RBFOX1: variants seen among roughly 807,000 people sequenced by gnomAD.
The protein encoded by RBFOX1 is RNA binding fox-1 homolog 1.
Under a neutral mutation model 57.7 loss-of-function variants are expected in RBFOX1, and 8 were observed. The observed-to-expected ratio is 0.14, with a 90% CI of 0.08 to 0.25. RBFOX1 has a LOEUF of 0.25. RBFOX1 is among the 10% of genes least tolerant of loss of function. The pLI, the probability that RBFOX1 is intolerant of heterozygous loss-of-function variation, is 1.00. For missense variants in RBFOX1, 611 were observed against 548.5 expected, an observed-to-expected ratio of 1.11 and a Z score of -1.14; for synonymous variants, 326 against 222.4, an observed-to-expected ratio of 1.47 and a Z score of -4.15.
chr16:7,400,840 C>T (rs2098229950), intron 4 of RBFOX1, among the ~76,000 whole-genome samples: 2 of 152,178 alleles, frequency 1.3e-5, no homozygotes, highest in Admixed American at 1.3e-4. Flanking sequence ...GGTGCGCTTG[C>T]CCATTAAGTG....
At chr16:5,877,599 A>C (rs1429204664) in intron 4 of RBFOX1, among the ~76,000 whole-genome samples, 1 of 152,244 alleles carries the variant, frequency 6.6e-6, no homozygotes, top group African/African-American at 2.4e-5. Flanking sequence ...AAGGGTAAGC[A>C]GTGGTGTTAA....
chr16:5,712,557 G>C (rs1463385240), intron 3 of RBFOX1, among the ~76,000 whole-genome samples: 1 of 152,146 alleles, frequency 6.6e-6, no homozygotes, highest in African/African-American at 2.4e-5. Context: ...GTGTTCTAGG[G>C]GCTTTTCATC....
At chr16:7,405,687 G>T (rs1005395855) in intron 4 of RBFOX1, among the ~76,000 whole-genome samples, 2 of 152,212 alleles carry the variant, frequency 1.3e-5, no homozygotes, top group Non-Finnish European at 1.5e-5. Flanking sequence ...TCAGGTCCCA[G>T]CTGCACCTGT....
intron 3 of RBFOX1, among the ~76,000 whole-genome samples, chr16:6,966,755 C>A (rs559194680): frequency 9.7e-6 from 1 of 102,736 alleles, no homozygotes; most frequent in African/African-American, 4.2e-5. Context: ...CTCTATCTGT[C>A]TGTCTGTCTA....
intron 4 of RBFOX1, among the ~76,000 whole-genome samples, chr16:7,244,397 T>A (rs961359797): frequency 1.3e-5 from 2 of 152,186 alleles, no homozygotes; most frequent in Non-Finnish European, 2.9e-5. Flanking sequence ...CTGGTCCTTT[T>A]TCCTGAGCCA....
intron 14 of RBFOX1, among the ~76,000 whole-genome samples, chr16:7,708,321 C>G (rs893144526): frequency 6.6e-6 from 1 of 152,074 alleles, no homozygotes; most frequent in Non-Finnish European, 1.5e-5. Context: ...CCATTTTTAT[C>G]CTAAAGCCTA....
At chr16:6,973,160 A>G (rs1171001329) in intron 3 of RBFOX1, among the ~76,000 whole-genome samples, 2 of 151,190 alleles carry the variant, frequency 1.3e-5, no homozygotes, top group African/African-American at 2.4e-5. Context: ...AAAAATAGAG[A>G]CAAGGCCATC....
chr16:6,829,696 G>T (rs2092554766), intron 3 of RBFOX1, among the ~76,000 whole-genome samples: 1 of 151,938 alleles, frequency 6.6e-6, no homozygotes, highest in Non-Finnish European at 1.5e-5. Context: ...CCGTCTCCTG[G>T]GTTCAAGAGA....
chr16:7,271,800 A>G (rs1730226919), intron 4 of RBFOX1, among the ~76,000 whole-genome samples: 1 of 152,036 alleles, frequency 6.6e-6, no homozygotes, highest in African/African-American at 2.4e-5. Context: ...CTCTTATTGT[A>G]AATGTCTGGG....
chr16:5,292,844 T>C (rs1382519625), intron 1 of RBFOX1, among the ~76,000 whole-genome samples: 11 of 151,962 alleles, frequency 7.2e-5, no homozygotes, highest in Non-Finnish European at 1.3e-4. Flanking sequence ...AGGATGGTCT[T>C]GATCTCCTGA....
At chr16:6,432,304 G>C (rs1281343548) in intron 2 of RBFOX1, among the ~76,000 whole-genome samples, 1 of 152,024 alleles carries the variant, frequency 6.6e-6, no homozygotes, top group Non-Finnish European at 1.5e-5. Flanking sequence ...GGCATAGGTA[G>C]TATTTAACAA....
intron 3 of RBFOX1, among the ~76,000 whole-genome samples, chr16:6,669,148 A>C (rs2098749530): frequency 6.6e-6 from 1 of 152,114 alleles, no homozygotes; most frequent in African/African-American, 2.4e-5. Flanking sequence ...GATCAAGGTC[A>C]GAAAACCCAG....
At chr16:5,962,076 C>T (rs1212257968) in intron 4 of RBFOX1, among the ~76,000 whole-genome samples, 2 of 152,166 alleles carry the variant, frequency 1.3e-5, no homozygotes, top group Non-Finnish European at 2.9e-5. Flanking sequence ...GAGATCCAGC[C>T]ATCGCTTACA....
intron 3 of RBFOX1, among the ~76,000 whole-genome samples, chr16:6,878,747 A>G (rs1212284323): frequency 6.6e-6 from 1 of 152,146 alleles, no homozygotes; most frequent in Non-Finnish European, 1.5e-5. Context: ...ATATCCCATG[A>G]GAGTTTAAGG....
chr16:5,285,795 T>C (rs1375747904), intron 1 of RBFOX1, among the ~76,000 whole-genome samples: 1 of 152,122 alleles, frequency 6.6e-6, no homozygotes, highest in Non-Finnish European at 1.5e-5. Context: ...GTTGCTGAGA[T>C]GGAGTCTTGC....
At chr16:6,476,394 C>T (rs1009476422) in intron 2 of RBFOX1, among the ~76,000 whole-genome samples, 13 of 152,072 alleles carry the variant, frequency 8.5e-5, no homozygotes, top group African/African-American at 2.9e-4. Context: ...AGTTACAAGC[C>T]ACTGCAATAC....
At chr16:7,588,913 T>C (rs942775991) in intron 7 of RBFOX1, among the ~76,000 whole-genome samples, 1 of 152,176 alleles carries the variant, frequency 6.6e-6, no homozygotes, top group African/African-American at 2.4e-5. Context: ...TTGTAATCTG[T>C]CAGATGAGCA....
rs189652422 is a variant in RBFOX1, at chr16:7,492,492, C to G, written c.28-25655C>G. Among the ~76,000 whole-genome samples the G allele has an allele frequency of 2.4e-3, 358 of 152,226 alleles. 4 individuals carry two copies. Among genetic ancestry groups the G allele is most frequent in the Admixed American group, 7.5e-3 (115 of 15,292 alleles). On this transcript the variant is annotated intron_variant, in intron 4 of 15. Transcript: ENST00000550418. ...GTCACCTACCCTAGAACTGTCCTGT[C>G]TCATATGACAGCCACTAGCCACATG... is the stretch of plus-strand genomic sequence containing the variant.
At chr16:6,491,100 G>A (rs369681683) in intron 2 of RBFOX1, among the ~76,000 whole-genome samples, 6 of 151,922 alleles carry the variant, frequency 3.9e-5, no homozygotes, top group South Asian at 2.1e-4. Context: ...TAAATTATAC[G>A]TGTATATATA....
Sources: allele counts gnomAD v4.1 joint callset (sites outside exome capture counted in the v4.1 genomes callset), GRCh38; gene constraint gnomAD v4.1.1; transcripts MANE v1.5; gene names NCBI Gene and HGNC (gene_info 2026-07-23, HGNC 2026-07-21).